MNAT1: variants seen among roughly 807,000 people sequenced by gnomAD.
The protein encoded by MNAT1 is MNAT1 component of CDK activating kinase.
Under a neutral mutation model 42.0 loss-of-function variants are expected in MNAT1, and 43 were observed. The ratio of observed to expected loss-of-function variants is 1.02; its 90% confidence interval spans 0.80 to 1.32. The LOEUF (loss-of-function observed/expected upper bound fraction) is 1.32, where lower values mean the gene tolerates loss of function less well. Among genes scored for constraint, MNAT1 ranks in the 40% most tolerant of loss-of-function variants. The pLI is 0.00. For missense variants in MNAT1, 306 were observed against 350.4 expected (o/e 0.87, Z 1.01); for synonymous variants, 118 against 120.0 (o/e 0.98, Z 0.11).
chr14:60,955,464 C>G (rs897873667), intron 7 of MNAT1, among the ~76,000 whole-genome samples: 5 of 152,022 alleles, frequency 3.3e-5, no homozygotes, highest in African/African-American at 1.2e-4. Flanking sequence ...GAGTTGAAGA[C>G]CAGCCTGGCC....
chr14:60,958,710 C>T (rs1329985005), intron 7 of MNAT1, among the ~76,000 whole-genome samples: 2 of 136,936 alleles, frequency 1.5e-5, no homozygotes, highest in African/African-American at 2.8e-5. Context: ...GATCTTGGCT[C>T]ACTGCAAGCT....
intron 1 of MNAT1, among the ~76,000 whole-genome samples, chr14:60,786,522 A>G (rs1028289608): frequency 1.3e-5 from 2 of 152,182 alleles, no homozygotes; most frequent in African/African-American, 2.4e-5. Context: ...TGAAAGTTAT[A>G]TCTGTTAACA....
In MNAT1 at chr14:60,927,096, T is replaced by C. The variant is rs75463513; in HGVS notation, c.810-41133T>C. On this transcript the variant is annotated intron_variant, in intron 7 of 7. Transcript: ENST00000261245. The stretch of plus-strand genomic sequence containing the variant: ...AGACCAATATGTATGGTTCTTATTA[T>C]TTCAAAGTTAATTTACATGTTCAAA... 4.8e-4 allele frequency among the ~76,000 whole-genome samples: 73 copies of C among 152,310 alleles called. No homozygotes were observed. In the East Asian group the frequency reaches 0.014, roughly 29 times the overall value.
At chr14:60,917,293 C>T (rs905438692) in intron 7 of MNAT1, among the ~76,000 whole-genome samples, 1 of 25,832 alleles carries the variant, frequency 3.9e-5, no homozygotes, top group African/African-American at 7.3e-5. Context: ...TTCTAACCCT[C>T]ATTTTACCAG....
chr14:60,806,402 T>A (rs115470270), intron 3 of MNAT1, among the ~76,000 whole-genome samples: 346 of 152,200 alleles, frequency 2.3e-3, no homozygotes, highest in African/African-American at 7.9e-3. Context: ...TAATCACAGG[T>A]ATGGAAATGG....
rs1246120077 is a variant in MNAT1 at position 60,743,304 on chromosome 14, T to C, written c.89+8353T>C. Among the ~76,000 whole-genome samples, 11 of 152,244 alleles carry C rather than the reference T, an allele frequency of 7.2e-5. No individual in the cohort carries two copies. In the East Asian group the frequency reaches 2.1e-3, roughly 29 times the overall value. On this transcript the variant is annotated intron_variant, in intron 1 of 7. Coordinates refer to ENST00000261245, the MANE Select transcript of MNAT1 (RefSeq NM_002431.4). ...ACATTCTTTAGCATTTCTTTTTTTT[T>C]TTGAGACGGAGTCTTGCTCTGTCGC... is the stretch of plus-strand genomic sequence containing the variant.
At chr14:60,782,502 T>C (rs1227817107) in intron 1 of MNAT1, among the ~76,000 whole-genome samples, 1 of 152,326 alleles carries the variant, frequency 6.6e-6, no homozygotes, top group East Asian at 1.9e-4. Flanking sequence ...ATTCAACCTA[T>C]TTCTTGAATC....
intron 7 of MNAT1, among the ~76,000 whole-genome samples, chr14:60,946,966 G>A (rs531628506): frequency 6.6e-6 from 1 of 152,314 alleles, no homozygotes; most frequent in African/African-American, 2.4e-5. Context: ...GTGTCCTCAT[G>A]TGGCAGAGAG....
chr14:60,879,527 G>A (rs903773579), intron 6 of MNAT1, among the ~76,000 whole-genome samples, 187 bp from the exon 7 acceptor site: 16 of 152,120 alleles, frequency 1.1e-4, no homozygotes, highest in African/African-American at 2.4e-5. Flanking sequence ...TAAATCATGT[G>A]TAAATGACTA....
intron 3 of MNAT1, among the ~76,000 whole-genome samples, chr14:60,799,702 ATAT>A (rs2032140878): frequency 6.8e-6 from 1 of 147,774 alleles, no homozygotes; most frequent in Non-Finnish European, 1.5e-5. Context: ...TTAAAAAAAT[ATAT>A]ATATATATAT....
chr14:60,948,206 G>T (rs2036318004), intron 7 of MNAT1, among the ~76,000 whole-genome samples: 1 of 152,160 alleles, frequency 6.6e-6, no homozygotes, highest in African/African-American at 2.4e-5. Flanking sequence ...CAAGGCGGGA[G>T]AATTTCTTGA....
At chr14:60,938,071 G>T (rs2036047321) in intron 7 of MNAT1, among the ~76,000 whole-genome samples, 1 of 152,186 alleles carries the variant, frequency 6.6e-6, no homozygotes, top group South Asian at 2.1e-4. Context: ...TTTGCACATT[G>T]ATTTTGTATC....
chr14:60,736,441 ATATT>A (rs1486290488), intron 1 of MNAT1, among the ~76,000 whole-genome samples: 1 of 152,196 alleles, frequency 6.6e-6, no homozygotes, highest in Non-Finnish European at 1.5e-5. Flanking sequence ...CAAGTATAAA[ATATT>A]TATTTTAATT....
intron 6 of MNAT1, among the ~76,000 whole-genome samples, chr14:60,827,382 G>A (rs963302102): frequency 6.6e-6 from 1 of 152,142 alleles, no homozygotes; most frequent in Non-Finnish European, 1.5e-5. Context: ...TTTTCTGAGT[G>A]CAACAGATAG....
intron 7 of MNAT1, among the ~76,000 whole-genome samples, chr14:60,955,372 T>C (rs545409728): frequency 2.0e-5 from 3 of 152,040 alleles, no homozygotes; most frequent in African/African-American, 7.2e-5. Flanking sequence ...AAAAAAATTA[T>C]AGATTCAGGC....
chr14:60,956,111 TC>T (rs1318480803), intron 7 of MNAT1, among the ~76,000 whole-genome samples: 1 of 152,142 alleles, frequency 6.6e-6, no homozygotes, highest in Non-Finnish European at 1.5e-5. Context: ...AGATTTTTTT[TC>T]TTTTTAAGTA....
At chr14:60,783,057 G>A (rs1245882397) in intron 1 of MNAT1, among the ~76,000 whole-genome samples, 3 of 152,162 alleles carry the variant, frequency 2.0e-5, no homozygotes, top group Admixed American at 6.5e-5. Context: ...GTAGATGTTC[G>A]TAGGTGATGA....
intron 7 of MNAT1, among the ~76,000 whole-genome samples, chr14:60,930,244 T>TA (rs1051711115): frequency 2.0e-5 from 3 of 148,020 alleles, no homozygotes; most frequent in Non-Finnish European, 4.5e-5. Context: ...TTATTATTAT[T>TA]ATTTGAGTCT....
chr14:60,951,455 T>C (rs561502125), intron 7 of MNAT1, among the ~76,000 whole-genome samples: 1 of 152,188 alleles, frequency 6.6e-6, no homozygotes, highest in East Asian at 1.9e-4. Context: ...CTCTACTGTA[T>C]TTTGTGTTTT....
Sources: gnomAD v4.1 joint callset for allele counts (sites outside exome capture counted in the v4.1 genomes callset) on GRCh38, gnomAD v4.1.1 for gene constraint, MANE v1.5 for transcripts, NCBI Gene and HGNC (gene_info 2026-07-23, HGNC 2026-07-21) for gene names.